The following DHX15 variants were observed in gnomAD, a reference collection of about 807,000 sequenced individuals.
DHX15 encodes ATP-dependent RNA helicase DHX15.
In DHX15, 11 loss-of-function variants were observed where a neutral mutation model predicts 94.4. The observed-to-expected ratio is 0.12, with a 90% CI of 0.07 to 0.19. The LOEUF is 0.19. DHX15 is among the 10% of genes least tolerant of loss of function. The probability of loss-of-function intolerance (pLI) is 1.00; values close to 1 mark genes in which losing one functional copy is unlikely to be tolerated. For synonymous variants in DHX15, 338 were observed against 329.9 expected (o/e 1.02, Z -0.27); for missense variants, 304 against 988.5 (o/e 0.31, Z 9.29).
At chr4:24,534,135 T>C (rs2109392735) in intron 11 of DHX15, 1 of 152,296 alleles carries the variant, frequency 6.6e-6, no homozygotes, top group Non-Finnish European at 1.5e-5. Flanking sequence ...GAACACCCAT[T>C]AATTAATCCA....
chr4:24,547,893 G>GTATA lies in DHX15; in HGVS notation c.1248+961_1248+962insTATA, dbSNP rs1403248233. Among the ~76,000 whole-genome samples the GTATA allele has an allele frequency of 2.5e-4, 17 of 66,744 alleles. 2 individuals carry two copies. Among genetic ancestry groups the GTATA allele is most frequent in the East Asian group, 5.8e-4 (2 of 3,450 alleles). The allele number at this position is 66,744 out of a possible 152,430, so 43.8% of individuals were successfully genotyped here. A position where few individuals can be genotyped will look rare whatever the true frequency, so the allele number is the denominator to read the frequency against. On this transcript the variant is annotated intron_variant, in intron 6 of 13. Transcript: ENST00000336812. ...TCTCTCTCTCTCTCTCTCTCTCTAT[G>GTATA]TATGTATGTGTATATATATATATAT...
At chr4:24,548,731 A>G (rs1184534519) in intron 6 of DHX15, 124 bp downstream of exon 6, 1 of 903,552 alleles carries the variant, frequency 1.1e-6, no homozygotes, top group Non-Finnish European at 1.6e-6. Flanking sequence ...ACAAATGGAT[A>G]TTATTTTGTT....
intron 13 of DHX15, 49 bp from the exon 14 acceptor site, chr4:24,528,090 T>C: frequency 2.3e-6 from 3 of 1,310,702 alleles, no homozygotes; most frequent in Non-Finnish European, 3.3e-6. Context: ...TTAATTGAAG[T>C]ACTGGAGTTG....
intron 3 of DHX15, among the ~76,000 whole-genome samples, chr4:24,566,662 C>T (rs1256284358): frequency 6.6e-6 from 1 of 152,014 alleles, no homozygotes; most frequent in Non-Finnish European, 1.5e-5. Flanking sequence ...TCTGTCTCTA[C>T]TAAAAATACA....
chr4:24,528,750 A>G (rs1453118231), intron 13 of DHX15, among the ~76,000 whole-genome samples: 1 of 152,194 alleles, frequency 6.6e-6, no homozygotes, highest in Non-Finnish European at 1.5e-5. Context: ...GCTTAAAATA[A>G]AACAATCCGT....
Position 24,527,950 on chromosome 4 carries a change from G to A in DHX15, c.2362C>T (p.Gln788Ter). The change falls in exon 14 of 14, where the codon CAA becomes TAA. Residue 788 changes from glutamine (Q) to a stop codon, truncating the protein, a stop_gained. Transcript: ENST00000336812. LOFTEE classifies it high-confidence loss of function. Reference sequence around the variant, plus strand: ...CAGTACTGTGAATATTCCTTGGATTGAAGTTTGGCAATGATGCGGTCCAAC... The same window carrying A: ...CAGTACTGTGAATATTCCTTGGATTAAAGTTTGGCAATGATGCGGTCCAAC... ...RQLDRIIAKL[Q>*]SKEYSQY 1 of 1,613,310 alleles carries A rather than the reference G, an allele frequency of 6.2e-7. No individual in the cohort carries two copies. Among genetic ancestry groups the A allele is most frequent in the Non-Finnish European group, 8.5e-7 (1 of 1,179,290 alleles).
intron 1 of DHX15, among the ~76,000 whole-genome samples, chr4:24,580,434 T>G (rs1722384775): frequency 6.6e-6 from 1 of 150,746 alleles, no homozygotes; most frequent in Admixed American, 6.6e-5. Context: ...CTACATGGAA[T>G]AATAACAGGC....
At chr4:24,541,275 TTCA>T (rs1721303373) in intron 8 of DHX15, among the ~76,000 whole-genome samples, 1 of 152,064 alleles carries the variant, frequency 6.6e-6, no homozygotes, top group South Asian at 2.1e-4. Context: ...CCAGAAAAAA[TTCA>T]TCAAGTTTAA....
intron 1 of DHX15, among the ~76,000 whole-genome samples, chr4:24,579,262 A>C (rs993066441): frequency 9.9e-5 from 15 of 152,204 alleles, no homozygotes; most frequent in Admixed American, 9.2e-4. Context: ...CAGGAGGCAA[A>C]TTCAGACACC....
chr4:24,548,766 C>T, intron 6 of DHX15, 89 bp downstream of exon 6: 1 of 1,239,176 alleles, frequency 8.1e-7, no homozygotes, highest in South Asian at 1.7e-5. Flanking sequence ...TCACAATCAC[C>T]CATAACTTAG....
At chr4:24,578,649 T>C (rs1001183041) in intron 1 of DHX15, among the ~76,000 whole-genome samples, 6 of 152,114 alleles carry the variant, frequency 3.9e-5, no homozygotes, top group Non-Finnish European at 5.9e-5. Flanking sequence ...CACTGCAATA[T>C]CAAACTTCTG....
Position 24,530,152 on chromosome 4 carries a change from T to A in DHX15, c.2101-382A>T, listed in dbSNP as rs185888192. 132 of 269,742 alleles carry A rather than the reference T, an allele frequency of 4.9e-4. No individual in the cohort carries two copies. In the Admixed American group the frequency reaches 6.0e-3, roughly 12 times the overall value. The allele number at this position is 269,742 out of a possible 1,614,324, so 16.7% of individuals were successfully genotyped here. On this transcript the variant is annotated intron_variant, in intron 12 of 13. Coordinates refer to ENST00000336812, the MANE Select transcript of DHX15 (RefSeq NM_001358.3). ...TATTATGCTCCAAGAGCAGGCAGTG[T>A]TAGGTAGTTTTGACAAGGACTTCAT...
At chr4:24,533,163 G>C in intron 11 of DHX15, 109 bp from the exon 12 acceptor site, 1 of 962,032 alleles carries the variant, frequency 1.0e-6, no homozygotes, top group Non-Finnish European at 1.7e-6. Context: ...AAACCAGAAA[G>C]GAGATTTACC....
chr4:24,541,762 G>A, intron 8 of DHX15, 111 bp downstream of exon 8: 3 of 1,118,352 alleles, frequency 2.7e-6, no homozygotes, highest in Non-Finnish European at 3.8e-6. Flanking sequence ...AAAAGCTAAG[G>A]AGCTTTTAAT....
intron 10 of DHX15, chr4:24,539,616 A>G (rs1468228910): frequency 6.6e-6 from 1 of 152,118 alleles, no homozygotes; most frequent in Non-Finnish European, 1.5e-5. Context: ...ATACATTACT[A>G]TTTCTATTTA....
chr4:24,538,737 G>A (rs1258373722), intron 10 of DHX15: 1 of 151,658 alleles, frequency 6.6e-6, no homozygotes, highest in African/African-American at 2.4e-5. Context: ...ATAAAAATAA[G>A]TTTTTTTTAA....
intron 1 of DHX15, among the ~76,000 whole-genome samples, chr4:24,582,475 T>C (rs1722437835): frequency 6.6e-6 from 1 of 152,224 alleles, no homozygotes; most frequent in Non-Finnish European, 1.5e-5. Context: ...TACAAATGAA[T>C]TCATTCATTC....
rs757538157 is a variant in DHX15 at position 24,533,029 on chromosome 4, A to G, written c.1935T>C (p.Tyr645=). ...GGGACCTGTAGTTAATGAAGTTGTC[A>G]TAACACCACTGAACCGATTCATGAT... ...KQNHESVQWC[Y]DNFINYRSLM... Residue 645 remains tyrosine (Y), a synonymous_variant, in exon 12 of 14, where the codon TAT becomes TAC. Coordinates refer to ENST00000336812, the MANE Select transcript of DHX15 (RefSeq NM_001358.3). 115 of 1,614,062 alleles carry G rather than the reference A, an allele frequency of 7.1e-5. No individual in the cohort carries two copies. Among genetic ancestry groups the G allele is most frequent in the South Asian group, 1.2e-4 (11 of 91,086 alleles).
intron 2 of DHX15, among the ~76,000 whole-genome samples, chr4:24,572,206 T>C (rs1722137724): frequency 6.6e-6 from 1 of 152,206 alleles, no homozygotes; most frequent in Non-Finnish European, 1.5e-5. Context: ...AGTGGCATAA[T>C]CTTGGCTCAC....
Sources: allele counts gnomAD v4.1 joint callset (sites outside exome capture counted in the v4.1 genomes callset), GRCh38; gene constraint gnomAD v4.1.1; transcripts MANE v1.5; gene names NCBI Gene and HGNC (gene_info 2026-07-23, HGNC 2026-07-21).